ANGEL2: variants seen among roughly 807,000 people sequenced by gnomAD.
ANGEL2 encodes RNA 2',3'-cyclic phosphatase ANGEL2.
In ANGEL2, 41 loss-of-function variants were observed where a neutral mutation model predicts 66.0. That is an observed-to-expected ratio of 0.62 (90% CI 0.48 to 0.81). The LOEUF (loss-of-function observed/expected upper bound fraction) is 0.81. Ranked by LOEUF, ANGEL2 falls within the 30% of genes least tolerant of loss-of-function variation. The probability of loss-of-function intolerance (pLI) is 0.00; values close to 1 mark genes in which losing one functional copy is unlikely to be tolerated. For missense variants in ANGEL2, 561 were observed against 641.6 expected (o/e 0.87, Z 1.36); for synonymous variants, 208 against 226.5 (o/e 0.92, Z 0.73).
chr1:212,998,817 C>T (rs1020865830), intron 7 of ANGEL2, among the ~76,000 whole-genome samples: 11 of 152,014 alleles, frequency 7.2e-5, no homozygotes, highest in Middle Eastern at 3.4e-3. Context: ...TGAGCCACCG[C>T]GCCCGGCCTC....
At chr1:213,006,794 T>C (rs2076341990) in intron 4 of ANGEL2, 1 of 239,764 alleles carries the variant, frequency 4.2e-6, no homozygotes, top group African/African-American at 2.2e-5. Context: ...AATCTTTTCC[T>C]CTTTGAAATT....
Position 213,015,617 on chromosome 1 carries a change from C to T in ANGEL2, c.55G>A (p.Gly19Ser), listed in dbSNP as rs1432652134. 1.9e-6 allele frequency: 3 copies of T among 1,613,918 alleles called. No homozygotes were observed. The highest frequency in any genetic ancestry group is 2.5e-6 in the Non-Finnish European group (3 of 1,180,002). The change falls in exon 1 of 9, where the codon GGC becomes AGC. Residue 19 changes from glycine to serine, a missense_variant. Physicochemically the swap from Gly to Ser is moderately conservative, Grantham distance 56. Coordinates refer to ENST00000366962, the MANE Select transcript of ANGEL2 (RefSeq NM_144567.5). ...CGAGTACCCAGCCCTACTGACCGGC[C>T]TCTTCCCACCACACAGTGGCCGTAG... ...KGYGHCVVGR[G>S]RYPMFPHHSR...
chr1:213,008,097 C>G (rs2076390534), intron 3 of ANGEL2, 113 bp downstream of exon 3: 1 of 1,201,318 alleles, frequency 8.3e-7, no homozygotes, highest in African/African-American at 1.5e-5. Context: ...CTACCGACCT[C>G]AGGTGATCCA....
chr1:213,011,564 T>C (rs1218066317), intron 2 of ANGEL2: 2 of 766,394 alleles, frequency 2.6e-6, no homozygotes, highest in East Asian at 2.2e-4. Context: ...ATTTTCTGAG[T>C]ACCTACTATG....
At chr1:212,996,205 G>C (rs1042838887) in intron 8 of ANGEL2, among the ~76,000 whole-genome samples, 4 of 152,176 alleles carry the variant, frequency 2.6e-5, no homozygotes, top group Admixed American at 6.5e-5. Context: ...GGCTCGGGAG[G>C]CTGAGGCAGG....
intron 7 of ANGEL2, among the ~76,000 whole-genome samples, chr1:212,998,078 C>T (rs2076073929): frequency 6.6e-6 from 1 of 151,958 alleles, no homozygotes; most frequent in Non-Finnish European, 1.5e-5. Context: ...CTTTTTATGT[C>T]TAAGGATTTA....
intron 8 of ANGEL2, among the ~76,000 whole-genome samples, chr1:212,996,637 AAAAATATATATATATAT>A (rs1394532793): frequency 2.0e-5 from 1 of 51,106 alleles, no homozygotes; most frequent in African/African-American, 3.7e-5. Context: ...AAAAAAAAAA[AAAAATATATATATATAT>A]ATATATATAT....
Position 213,003,446 on chromosome 1 carries a change from TCTTC to T in ANGEL2, c.1134+1583_1134+1586del, listed in dbSNP as rs1465777012. On this transcript the variant is annotated intron_variant, in intron 5 of 8. Coordinates refer to ENST00000366962, the MANE Select transcript of ANGEL2 (RefSeq NM_144567.5). ...TTTGATTCAAAGTGAGACATGTGAG[TCTTC>T]CTTCTACTTGAACACTTAGAGAGCG... Among the ~76,000 whole-genome samples, 13 of 152,266 alleles carry T rather than the reference TCTTC, an allele frequency of 8.5e-5. No homozygotes were observed. In the South Asian group the frequency reaches 2.3e-3, roughly 27 times the overall value.
intron 1 of ANGEL2, among the ~76,000 whole-genome samples, chr1:213,014,036 G>T (rs1178332151): frequency 1.3e-5 from 2 of 152,100 alleles, no homozygotes; most frequent in Non-Finnish European, 2.9e-5. Context: ...CTCGTTGGGG[G>T]AAATGAAAGA....
In ANGEL2 at chr1:213,008,192, A is replaced by G. The variant is rs753641083; in HGVS notation, c.642+18T>C. 34 of 1,603,656 alleles carry G rather than the reference A, an allele frequency of 2.1e-5. No homozygotes were observed. Among genetic ancestry groups the G allele is most frequent in the African/African-American group, 4.0e-5 (3 of 74,344 alleles). ...ACTTTTTCTTATGTGAAGAATTTCAATAATATTTTGCACTTACGTCTGCAT... is the reference window on the plus strand; with the variant it reads ...ACTTTTTCTTATGTGAAGAATTTCAGTAATATTTTGCACTTACGTCTGCAT... On this transcript the variant is annotated intron_variant, in intron 3 of 8. Coordinates refer to ENST00000366962, the MANE Select transcript of ANGEL2 (RefSeq NM_144567.5).
chr1:213,001,006 G>A, intron 5 of ANGEL2, 94 bp from the exon 6 acceptor site: 2 of 1,264,702 alleles, frequency 1.6e-6, no homozygotes, highest in African/African-American at 1.6e-5. Flanking sequence ...TAATCCAAAA[G>A]TGGTAAATTA....
chr1:213,007,861 C>CT (rs2076380370), intron 3 of ANGEL2, among the ~76,000 whole-genome samples: 1 of 143,796 alleles, frequency 7.0e-6, no homozygotes, highest in South Asian at 2.3e-4. Flanking sequence ...CTTTTTCTTT[C>CT]TTTCTTTTTT....
intron 1 of ANGEL2, chr1:213,015,053 A>T: frequency 1.1e-6 from 1 of 942,676 alleles, no homozygotes. Flanking sequence ...AGTCAATTTA[A>T]AGAAAAATAT....
rs140389032 is a variant in ANGEL2, at chr1:213,014,082, C to T, written c.60-664G>A. Among the ~76,000 whole-genome samples, 7 of 152,318 alleles carry T rather than the reference C, an allele frequency of 4.6e-5. No homozygotes were observed. The East Asian group carries it at 9.6e-4, about 21-fold the overall frequency. On this transcript the variant is annotated intron_variant, in intron 1 of 8. Transcript: ENST00000366962. ...GACGTACTACGAATGCACCAACACT[C>T]CAAACCAACAGCTTCAATTTAACCC...
Position 212,993,625 on chromosome 1 carries a change from ACT to A in ANGEL2, c.*1414_*1415del, listed in dbSNP as rs2075917729. 1 of 152,320 alleles carries A rather than the reference ACT, an allele frequency of 6.6e-6. No individual in the cohort carries two copies. Among genetic ancestry groups the A allele is most frequent in the East Asian group, 1.9e-4 (1 of 5,190 alleles). 9.4% of individuals were successfully genotyped at this position (152,320 alleles called of 1,614,324 possible). A position where few individuals can be genotyped will look rare whatever the true frequency, so the allele number is the denominator to read the frequency against. On this transcript the variant is annotated 3_prime_UTR_variant, in exon 9 of 9. Transcript: ENST00000366962. Reference sequence around the variant, plus strand: ...ACTGTCTACAAAAAAGGAAATTTCCACTTTTTATGTTTTAAAATTGATTCAAA... The same window carrying A: ...ACTGTCTACAAAAAAGGAAATTTCCATTTTATGTTTTAAAATTGATTCAAA...
chr1:213,003,099 CAACTTCT>C (rs756419951), intron 5 of ANGEL2, among the ~76,000 whole-genome samples: 4 of 152,070 alleles, frequency 2.6e-5, no homozygotes, highest in Non-Finnish European at 4.4e-5. Context: ...TGTTAACTTC[CAACTTCT>C]CTTCTGCAGC....
intron 7 of ANGEL2, among the ~76,000 whole-genome samples, chr1:212,999,916 A>G (rs183262353): frequency 2.6e-5 from 4 of 152,352 alleles, no homozygotes; most frequent in African/African-American, 9.6e-5. Context: ...TGAGATCTGA[A>G]AGATATTTTT....
chr1:213,011,539 G>C, intron 2 of ANGEL2: 1 of 951,684 alleles, frequency 1.1e-6, no homozygotes, highest in Non-Finnish European at 1.3e-6. Flanking sequence ...TCCATTAAGG[G>C]AAAACAACAC....
chr1:213,014,327 G>A (rs2076582003), intron 1 of ANGEL2, among the ~76,000 whole-genome samples: 1 of 152,144 alleles, frequency 6.6e-6, no homozygotes, highest in Admixed American at 6.5e-5. Context: ...CCATCCCTAA[G>A]GGAATTTTGT....
Sources: gnomAD v4.1 joint callset for allele counts (sites outside exome capture counted in the v4.1 genomes callset) on GRCh38, gnomAD v4.1.1 for gene constraint, MANE v1.5 for transcripts, NCBI Gene and HGNC (gene_info 2026-07-23, HGNC 2026-07-21) for gene names.